GABRG3: variants seen among roughly 807,000 people sequenced by gnomAD.
GABRG3 encodes the protein gamma-aminobutyric acid receptor subunit gamma-3.
GABRG3 carries 25 observed loss-of-function variants against 48.8 expected under a neutral mutation model. The ratio of observed to expected loss-of-function variants is 0.51; its 90% CI spans 0.37 to 0.72. The LOEUF (loss-of-function observed/expected upper bound fraction) is 0.72, where lower values mean the gene tolerates loss of function less well. GABRG3 is among the 30% of genes least tolerant of loss of function. The pLI, the probability that GABRG3 is intolerant of heterozygous loss-of-function variation, is 0.00. For synonymous variants in GABRG3, 227 were observed against 217.6 expected, an observed-to-expected ratio of 1.04 and a Z score of -0.38; for missense variants, 394 against 577.9, an observed-to-expected ratio of 0.68 and a Z score of 3.26.
rs190088321 is a variant in GABRG3, at chr15:27,024,163, T to C, written c.203-2591T>C. On this transcript the variant is annotated intron_variant, in intron 2 of 9. Transcript: ENST00000615808. ...TTGCCATTTAAATCAGGTTAGTTTG[T>C]TTTTGTTGTTGAGTTCTGGGAGTTC... is the stretch of plus-strand genomic sequence containing the variant. 2.6e-5 allele frequency among the ~76,000 whole-genome samples: 4 copies of C among 152,302 alleles called. No homozygotes were observed. In the East Asian group the frequency reaches 7.7e-4, roughly 29 times the overall value.
chr15:26,979,223 T>C (rs559123829), intron 2 of GABRG3, among the ~76,000 whole-genome samples: 5 of 152,238 alleles, frequency 3.3e-5, no homozygotes, highest in Non-Finnish European at 5.9e-5. Flanking sequence ...TTTGGGACTT[T>C]TTTTGTTTGT....
At chr15:27,192,582 C>G (rs928133914) in intron 3 of GABRG3, among the ~76,000 whole-genome samples, 8 of 152,186 alleles carry the variant, frequency 5.3e-5, no homozygotes, top group African/African-American at 1.9e-4. Context: ...CCATCAGCTC[C>G]TTTAAGCAAT....
chr15:27,044,966 T>G (rs752890968), intron 3 of GABRG3, among the ~76,000 whole-genome samples: 11 of 152,228 alleles, frequency 7.2e-5, no homozygotes, highest in Non-Finnish European at 1.2e-4. Context: ...TATGGAGGCC[T>G]CTAAAGCCCA....
chr15:27,248,803 C>CACACACACACAG (rs1377080195), intron 3 of GABRG3, among the ~76,000 whole-genome samples: 12 of 110,238 alleles, frequency 1.1e-4, no homozygotes, highest in South Asian at 6.7e-4. Context: ...CACACACACA[C>CACACACACACAG]AGAGAGAGAG....
intron 3 of GABRG3, among the ~76,000 whole-genome samples, chr15:27,036,560 T>C (rs1486788016): frequency 6.6e-6 from 1 of 152,094 alleles, no homozygotes; most frequent in East Asian, 1.9e-4. Context: ...CTTTGTGGCA[T>C]GCACCTGTAA....
At chr15:27,005,644 G>A (rs1895570159) in intron 2 of GABRG3, among the ~76,000 whole-genome samples, 1 of 152,098 alleles carries the variant, frequency 6.6e-6, no homozygotes, top group Admixed American at 6.5e-5. Context: ...TGAGACAGGG[G>A]CTTGCTCTGT....
chr15:26,984,395 C>T lies in GABRG3; in HGVS notation c.202+7245C>T, dbSNP rs141945159. Among the ~76,000 whole-genome samples the T allele has an allele frequency of 6.2e-3, 949 of 152,214 alleles. 38 individuals are homozygous for T. The highest frequency in any genetic ancestry group is 0.052 in the Admixed American group (798 of 15,292). On this transcript the variant is annotated intron_variant, in intron 2 of 9. Coordinates refer to ENST00000615808, the MANE Select transcript of GABRG3 (RefSeq NM_033223.5). ...ATAGATGGGATTTAATAGACTCGTTCGTTCATGTTGCGTGGAAGTAACAAA... is the reference window on the plus strand; with the variant it reads ...ATAGATGGGATTTAATAGACTCGTTTGTTCATGTTGCGTGGAAGTAACAAA...
intron 5 of GABRG3, among the ~76,000 whole-genome samples, chr15:27,415,290 A>G (rs1887908824): frequency 6.6e-6 from 1 of 151,980 alleles, no homozygotes; most frequent in Admixed American, 6.6e-5. Flanking sequence ...AAGCTCAGAG[A>G]TGTTTCTCCT....
intron 3 of GABRG3, among the ~76,000 whole-genome samples, chr15:27,300,134 T>A (rs1431533690): frequency 6.6e-6 from 1 of 152,182 alleles, no homozygotes; most frequent in Non-Finnish European, 1.5e-5. Flanking sequence ...ACCTGCAGTG[T>A]GAACCAGATC....
intron 2 of GABRG3, among the ~76,000 whole-genome samples, chr15:27,018,530 C>T (rs1414299208): frequency 6.6e-6 from 1 of 152,136 alleles, no homozygotes; most frequent in Non-Finnish European, 1.5e-5. Context: ...TCTTTGTCAA[C>T]TCTTGCTGGC....
At chr15:27,369,338 G>A (rs891397415) in intron 5 of GABRG3, among the ~76,000 whole-genome samples, 9 of 152,206 alleles carry the variant, frequency 5.9e-5, no homozygotes, top group Non-Finnish European at 7.3e-5. Context: ...TAAGGAGAAC[G>A]TGAAGGATAA....
chr15:27,152,273 A>G (rs957516761), intron 3 of GABRG3, among the ~76,000 whole-genome samples: 3 of 152,184 alleles, frequency 2.0e-5, no homozygotes, highest in African/African-American at 7.2e-5. Flanking sequence ...ACTTTGGTCA[A>G]AAATGAGTTG....
intron 3 of GABRG3, among the ~76,000 whole-genome samples, chr15:27,096,832 T>A (rs936479375): frequency 6.3e-5 from 9 of 141,936 alleles, no homozygotes; most frequent in African/African-American, 2.2e-4. Flanking sequence ...TTTCTTTTCT[T>A]TCTATCTTTT....
intron 3 of GABRG3, among the ~76,000 whole-genome samples, chr15:27,132,630 T>A (rs1175013449): frequency 6.6e-6 from 1 of 151,466 alleles, no homozygotes; most frequent in Non-Finnish European, 1.5e-5. Context: ...ATCCTTTTTA[T>A]TTCATTAAAA....
intron 5 of GABRG3, among the ~76,000 whole-genome samples, chr15:27,414,573 G>T (rs2140603178): frequency 6.6e-6 from 1 of 152,318 alleles, no homozygotes; most frequent in East Asian, 1.9e-4. Flanking sequence ...AGGGACTAGG[G>T]AGGGCTTGGT....
At chr15:27,420,990 A>G (rs1328199642) in intron 5 of GABRG3, among the ~76,000 whole-genome samples, 1 of 152,210 alleles carries the variant, frequency 6.6e-6, no homozygotes, top group Admixed American at 6.5e-5. Context: ...TCGAATTTAA[A>G]ACAAACAAAA....
At chr15:27,487,218 A>C (rs1302203649) in intron 6 of GABRG3, among the ~76,000 whole-genome samples, 1 of 152,252 alleles carries the variant, frequency 6.6e-6, no homozygotes, top group African/African-American at 2.4e-5. Context: ...TGCTAAGAAA[A>C]TTGAAATCCT....
At chr15:27,446,606 TTTAA>T (rs1193759642) in intron 5 of GABRG3, among the ~76,000 whole-genome samples, 5 of 152,326 alleles carry the variant, frequency 3.3e-5, no homozygotes, top group South Asian at 2.1e-4. Context: ...ACTTATTTTG[TTTAA>T]TTAATCTTAT....
chr15:27,403,914 CA>C (rs528760544), intron 5 of GABRG3, among the ~76,000 whole-genome samples: 13,353 of 68,552 alleles, frequency 0.19, 935 homozygotes, highest in East Asian at 0.45. Flanking sequence ...CAAAAAAAAA[CA>C]AAAAAAAAAA....
Sources: allele counts gnomAD v4.1 joint callset (sites outside exome capture counted in the v4.1 genomes callset), GRCh38; gene constraint gnomAD v4.1.1; transcripts MANE v1.5; gene names NCBI Gene and HGNC (gene_info 2026-07-23, HGNC 2026-07-21).